The following NBEA variants were observed in gnomAD, a reference collection of about 807,000 sequenced individuals.
NBEA encodes the protein lysosomal-trafficking regulator 2.
Under a neutral mutation model 343.4 loss-of-function variants are expected in NBEA, and 44 were observed. The observed-to-expected ratio is 0.13, with a 90% CI of 0.10 to 0.16. The LOEUF (loss-of-function observed/expected upper bound fraction) is 0.16. Ranked by LOEUF, NBEA falls within the 10% of genes least tolerant of loss-of-function variation. The pLI is 1.00. For synonymous variants in NBEA, 1,175 were observed against 1,238.7 expected, an observed-to-expected ratio of 0.95 and a Z score of 1.08; for missense variants, 2,555 against 3,631.3, an observed-to-expected ratio of 0.70 and a Z score of 7.62.
rs372780848 is a variant in NBEA, at chr13:35,242,637, A to G, written c.5776+10018A>G. ...GAAAGTCAAAGATAATCTCAAAAGA[A>G]GCAAGAGAAAATTGTACATGTACAA... On this transcript the variant is annotated intron_variant, in intron 34 of 58. Coordinates refer to ENST00000379939, the MANE Select transcript of NBEA (RefSeq NM_001385012.1). Among the ~76,000 whole-genome samples, 10 of 152,036 alleles carry G rather than the reference A, an allele frequency of 6.6e-5. No individual in the cohort carries two copies. The South Asian group carries it at 2.1e-3, about 32-fold the overall frequency.
chr13:35,180,796 A>C (rs574476720), intron 28 of NBEA, among the ~76,000 whole-genome samples: 29 of 151,752 alleles, frequency 1.9e-4, no homozygotes, highest in Non-Finnish European at 8.9e-5. Flanking sequence ...ACTGACCCCA[A>C]TTTGTAGTCT....
chr13:35,387,998 A>G (rs1287708049), intron 38 of NBEA, among the ~76,000 whole-genome samples: 1 of 152,142 alleles, frequency 6.6e-6, no homozygotes, highest in Non-Finnish European at 1.5e-5. Context: ...GAGTGTGTCC[A>G]GTTTTTGCTA....
chr13:35,169,698 G>A (rs1225815460), intron 25 of NBEA, among the ~76,000 whole-genome samples: 1 of 151,694 alleles, frequency 6.6e-6, no homozygotes, highest in East Asian at 1.9e-4. Flanking sequence ...GTATTTGATA[G>A]ACCTAAGAAA....
chr13:35,428,276 C>T (rs930188912), intron 38 of NBEA, among the ~76,000 whole-genome samples: 6 of 152,092 alleles, frequency 3.9e-5, no homozygotes, highest in African/African-American at 1.4e-4. Context: ...ATCTTGGCTC[C>T]TCCCCCACCC....
chr13:35,631,638 T>TA (rs59333937), intron 49 of NBEA, among the ~76,000 whole-genome samples: 50,684 of 125,058 alleles, frequency 0.41, 10,796 homozygotes, highest in Admixed American at 0.5. Context: ...GTCTCCTTTG[T>TA]AAAAAAAAAA....
Position 35,048,618 on chromosome 13 carries a change from A to T in NBEA, c.779A>T (p.Asn260Ile). 1 of 1,562,884 alleles carries T rather than the reference A, an allele frequency of 6.4e-7. No individual in the cohort carries two copies. ...KWPYQNGFTL[N>I]TWFRMDPLNN... is the part of the protein sequence containing the mutation. The stretch of plus-strand genomic sequence containing the variant: ...CCTTATCAGAATGGCTTCACCTTAA[A>T]CACTTGGTTTCGTATGGATCCATTA... Residue 260 changes from asparagine (N) to isoleucine (I), a missense_variant, in exon 5 of 59, where the codon AAC (asparagine) becomes ATC (isoleucine). Asn to Ile is a moderately radical substitution (Grantham distance 149, BLOSUM62 -3). Around this residue, in one of 21 missense-constraint regions of NBEA, gnomAD observed 185 missense variants for 290.6 expected, o/e 0.64. Coordinates refer to ENST00000379939, the MANE Select transcript of NBEA (RefSeq NM_001385012.1).
At chr13:35,586,917 A>G (rs1248953991) in intron 46 of NBEA, among the ~76,000 whole-genome samples, 1 of 152,222 alleles carries the variant, frequency 6.6e-6, no homozygotes, top group African/African-American at 2.4e-5. Context: ...CAAAGTCACA[A>G]AAATTTACCA....
chr13:35,317,285 G>A (rs916817260), intron 36 of NBEA, among the ~76,000 whole-genome samples: 6 of 152,108 alleles, frequency 3.9e-5, no homozygotes, highest in African/African-American at 1.4e-4. Flanking sequence ...TTTGTATAAG[G>A]TGTAAGGAAG....
At chr13:35,419,621 C>T (rs2044151809) in intron 38 of NBEA, among the ~76,000 whole-genome samples, 2 of 151,908 alleles carry the variant, frequency 1.3e-5, no homozygotes, top group African/African-American at 4.8e-5. Context: ...TTTTGTAGAC[C>T]ATTTCAGGAG....
At chr13:35,349,640 T>G (rs897811549) in intron 37 of NBEA, among the ~76,000 whole-genome samples, 1 of 152,158 alleles carries the variant, frequency 6.6e-6, no homozygotes, top group African/African-American at 2.4e-5. Context: ...CAGTTATTTA[T>G]TATTTCAGTT....
At chr13:35,231,010 G>A (rs982943574) in intron 33 of NBEA, among the ~76,000 whole-genome samples, 1 of 152,060 alleles carries the variant, frequency 6.6e-6, no homozygotes, top group Admixed American at 6.6e-5. Context: ...TTACAGAGTA[G>A]GGGAGACTAT....
intron 41 of NBEA, among the ~76,000 whole-genome samples, chr13:35,515,737 A>T (rs1026081142): frequency 7.9e-6 from 1 of 127,154 alleles, no homozygotes; most frequent in African/African-American, 2.9e-5. Context: ...TTTCCCTTTC[A>T]TGTAGTAACT....
intron 55 of NBEA, among the ~76,000 whole-genome samples, chr13:35,660,453 A>G (rs1025354996): frequency 2.6e-5 from 4 of 152,212 alleles, no homozygotes; most frequent in Admixed American, 6.5e-5. Context: ...CATTGTTATT[A>G]TGCTTTTCTA....
intron 1 of NBEA, among the ~76,000 whole-genome samples, chr13:35,015,453 TC>T (rs2061624844): frequency 6.6e-6 from 1 of 152,162 alleles, no homozygotes; most frequent in Admixed American, 6.5e-5. Flanking sequence ...GGTTCTGTGT[TC>T]CATCCCAGAT....
intron 1 of NBEA, among the ~76,000 whole-genome samples, chr13:35,013,643 A>G (rs1593463257): frequency 6.6e-6 from 1 of 151,800 alleles, no homozygotes; most frequent in Admixed American, 6.6e-5. Flanking sequence ...TAAGTTTTCT[A>G]TTTTTAGCAG....
intron 2 of NBEA, among the ~76,000 whole-genome samples, chr13:35,041,419 G>A (rs1175175832): frequency 6.6e-6 from 1 of 151,926 alleles, no homozygotes; most frequent in Admixed American, 6.6e-5. Context: ...ACCATGGAGT[G>A]CTATGAAATC....
intron 34 of NBEA, among the ~76,000 whole-genome samples, chr13:35,289,289 A>G (rs2035640471): frequency 6.6e-6 from 1 of 151,922 alleles, no homozygotes; most frequent in African/African-American, 2.4e-5. Context: ...AAGAAAAATG[A>G]TAGTATTTCT....
chr13:35,023,642 ATATAGTTACC>A (rs1566176430), intron 1 of NBEA, among the ~76,000 whole-genome samples: 1 of 152,188 alleles, frequency 6.6e-6, no homozygotes, highest in African/African-American at 2.4e-5. Flanking sequence ...GTGTATGTAA[ATATAGTTACC>A]TATACAAAAG....
At chr13:35,244,841 A>T (rs1229946072) in intron 34 of NBEA, among the ~76,000 whole-genome samples, 1 of 151,310 alleles carries the variant, frequency 6.6e-6, no homozygotes. Flanking sequence ...ACCTTTTGGT[A>T]TTTTATTTTA....
Sources: allele counts gnomAD v4.1 joint callset (sites outside exome capture counted in the v4.1 genomes callset), GRCh38; gene constraint gnomAD v4.1.1; regional missense constraint gnomAD v4.1.1; transcripts MANE v1.5; gene names NCBI Gene and HGNC (gene_info 2026-07-23, HGNC 2026-07-21).